The following ADGRF5 variants were observed in gnomAD, a reference collection of about 807,000 sequenced individuals.
ADGRF5 encodes the protein adhesion G protein-coupled receptor F5, also known as G-protein coupled receptor 116.
ADGRF5 carries 75 observed loss-of-function variants against 132.3 expected under a neutral mutation model. The observed-to-expected ratio is 0.57, with a 90% CI of 0.47 to 0.69. The LOEUF (loss-of-function observed/expected upper bound fraction) is 0.69, where lower values mean the gene tolerates loss of function less well. Among genes scored for constraint, ADGRF5 ranks in the 30% least tolerant of loss-of-function variants. The probability of loss-of-function intolerance (pLI) is 0.00; values close to 1 mark genes in which losing one functional copy is unlikely to be tolerated. For synonymous variants in ADGRF5, 629 were observed against 597.6 expected (o/e 1.05, Z -0.77); for missense variants, 1,516 against 1,630.6 (o/e 0.93, Z 1.21).
chr6:46,898,944 G>A (rs1051780466), intron 3 of ADGRF5, among the ~76,000 whole-genome samples: 2 of 152,212 alleles, frequency 1.3e-5, no homozygotes, highest in Non-Finnish European at 2.9e-5. Context: ...TCGCTCACTG[G>A]TTGAGAAAGA....
chr6:46,930,807 G>A (rs1160748817), intron 1 of ADGRF5, among the ~76,000 whole-genome samples: 2 of 152,126 alleles, frequency 1.3e-5, no homozygotes, highest in African/African-American at 2.4e-5. Flanking sequence ...AATCCCAACA[G>A]TTTGGGAGGC....
At chr6:46,860,024 C>CT (rs1769555796) in intron 16 of ADGRF5, among the ~76,000 whole-genome samples, 1 of 152,030 alleles carries the variant, frequency 6.6e-6, no homozygotes, top group African/African-American at 2.4e-5. Flanking sequence ...GGAGATACAT[C>CT]TTTCCTGCTG....
rs776457770 is a variant in ADGRF5, at chr6:46,858,912, C to T, written c.2991G>A (p.Met997Ile). ...AACTAGGATCTGGGGAGTCAGGGGA[C>T]ATGAGGATGGAGAATGATGTTAGGT... ...CDHLTSFSIL[M>I]SPDSPDPSSL... Residue 997 changes from methionine to isoleucine, a missense_variant, in exon 17 of 21, where the codon ATG becomes ATA. Physicochemically the swap from Met to Ile is conservative, Grantham distance 10 (BLOSUM62 1). This residue lies in a region of ADGRF5 where 571 missense variants were observed against 701.2 expected (regional missense o/e 0.81). Transcript: ENST00000283296. 5.0e-6 allele frequency: 8 copies of T among 1,613,998 alleles called. No individual in the cohort carries two copies. In the South Asian group the frequency reaches 8.8e-5, roughly 18 times the overall value.
intron 2 of ADGRF5, among the ~76,000 whole-genome samples, chr6:46,901,814 C>G (rs995655718): frequency 3.3e-5 from 5 of 152,094 alleles, no homozygotes; most frequent in Non-Finnish European, 7.4e-5. Context: ...ATTCCCTCCT[C>G]CTTTCCAGTG....
intron 4 of ADGRF5, among the ~76,000 whole-genome samples, chr6:46,885,123 G>A (rs2150846283): frequency 6.6e-6 from 1 of 151,678 alleles, no homozygotes; most frequent in African/African-American, 2.4e-5. Flanking sequence ...GAGCCTGGGA[G>A]GAAGAGGTTG....
At chr6:46,854,928 A>C (rs909690794) in intron 20 of ADGRF5, 2 of 383,396 alleles carry the variant, frequency 5.2e-6, no homozygotes, top group African/African-American at 4.2e-5. Context: ...TGGAGTTTTA[A>C]CAGTTATAGG....
At chr6:46,857,051 T>C in intron 17 of ADGRF5, 143 bp from the exon 18 acceptor site, 3 of 666,122 alleles carry the variant, frequency 4.5e-6, no homozygotes, top group South Asian at 1.9e-5. Context: ...TACATGATAC[T>C]GTTCAAAGAC....
intron 2 of ADGRF5, chr6:46,903,502 T>C (rs1774988984): frequency 6.6e-6 from 1 of 151,950 alleles, no homozygotes; most frequent in Non-Finnish European, 1.5e-5. Context: ...TGGGGGTGGG[T>C]AGTCAGTCAG....
chr6:46,949,385 T>C (rs1386960202), intron 1 of ADGRF5, among the ~76,000 whole-genome samples: 2 of 152,194 alleles, frequency 1.3e-5, no homozygotes, highest in African/African-American at 2.4e-5. Context: ...TGGTTGCTGA[T>C]GTGTATAGGG....
chr6:46,944,371 T>C (rs1442468618), intron 1 of ADGRF5, among the ~76,000 whole-genome samples: 2 of 152,208 alleles, frequency 1.3e-5, no homozygotes, highest in African/African-American at 2.4e-5. Flanking sequence ...TCCTGCTGTG[T>C]CACCTGGTTC....
At chr6:46,858,027 G>T in intron 17 of ADGRF5, 102 bp downstream of exon 17, 1 of 826,736 alleles carries the variant, frequency 1.2e-6, no homozygotes, top group African/African-American at 1.7e-5. Flanking sequence ...GGCTTCCTCT[G>T]GGCTGAAATC....
chr6:46,859,155 A>G lies in ADGRF5; in HGVS notation c.2748T>C (p.Asn916=). 1.9e-6 allele frequency: 3 copies of G among 1,614,054 alleles called. No homozygotes were observed. Among genetic ancestry groups the G allele is most frequent in the Non-Finnish European group, 2.5e-6 (3 of 1,179,934 alleles). ...QAILAQDIQE[N]NFAESLVMTT... is the part of the protein sequence containing the mutation. ...TCATCACTAAGCTCTCTGCAAAGTT[A>G]TTTTCCTGGATATCCTGGGCAAGGA... The change falls in exon 17 of 21, where the codon AAT becomes AAC. Residue 916 remains asparagine (N), a synonymous_variant. Coordinates refer to ENST00000283296, the MANE Select transcript of ADGRF5 (RefSeq NM_001098518.2).
At chr6:46,865,251 A>G (rs1001275079) in intron 13 of ADGRF5, 54 bp from the exon 14 acceptor site, 3 of 1,264,656 alleles carry the variant, frequency 2.4e-6, no homozygotes, top group Non-Finnish European at 3.4e-6. Flanking sequence ...TCTAATGCAC[A>G]AATTGTGTTA....
chr6:46,894,862 T>C (rs1774008592), intron 3 of ADGRF5, among the ~76,000 whole-genome samples: 2 of 152,236 alleles, frequency 1.3e-5, no homozygotes, highest in Admixed American at 1.3e-4. Context: ...TTTATGCAGA[T>C]GTGTGCTGAT....
At position 46,859,874 on chromosome 6, in the gene ADGRF5, G is replaced by A. The variant is rs566480113; in HGVS notation, c.2380-351C>T. ...AAATCTTAAGCCTATATTTTTAGTA[G>A]AGATGGGGTTTCACCATGTTGGCCA... On this transcript the variant is annotated intron_variant, in intron 16 of 20. Transcript: ENST00000283296. Among the ~76,000 whole-genome samples the A allele has an allele frequency of 1.5e-3, 214 of 138,786 alleles. 1 individual carries two copies. The highest frequency in any genetic ancestry group is 5.7e-3 in the African/African-American group (210 of 37,020). 91.0% of individuals were successfully genotyped at this position (138,786 alleles called of 152,430 possible). A position where few individuals can be genotyped will look rare whatever the true frequency, so the allele number is the denominator to read the frequency against.
chr6:46,928,340 T>C (rs558091476), intron 1 of ADGRF5, among the ~76,000 whole-genome samples: 3 of 152,260 alleles, frequency 2.0e-5, no homozygotes, highest in East Asian at 3.9e-4. Context: ...AGCCCCTTTT[T>C]TGAATTTCAC....
chr6:46,870,885 G>T (rs1447823768), intron 11 of ADGRF5: 3 of 431,386 alleles, frequency 7.0e-6, no homozygotes, highest in Middle Eastern at 3.3e-4. Flanking sequence ...TTTCTGTAGT[G>T]AGAACAGTTT....
chr6:46,894,542 C>T (rs1171379499), intron 3 of ADGRF5, among the ~76,000 whole-genome samples: 1 of 152,166 alleles, frequency 6.6e-6, no homozygotes, highest in Non-Finnish European at 1.5e-5. Context: ...CCTTACACTA[C>T]AAAGCTGTTC....
intron 8 of ADGRF5, among the ~76,000 whole-genome samples, chr6:46,880,905 ACATAGTGAGGTCC>A (rs1257331521): frequency 6.6e-6 from 1 of 152,090 alleles, no homozygotes; most frequent in Non-Finnish European, 1.5e-5. Context: ...AGCCTGGGCA[ACATAGTGAGGTCC>A]CATCTCTACA....
Sources: allele counts gnomAD v4.1 joint callset (sites outside exome capture counted in the v4.1 genomes callset), GRCh38; gene constraint gnomAD v4.1.1; regional missense constraint gnomAD v4.1.1; transcripts MANE v1.5; gene names NCBI Gene and HGNC (gene_info 2026-07-23, HGNC 2026-07-21).